Variants in SI observed in about 807,000 individuals in gnomAD.
SI encodes the protein sucrase-isomaltase, intestinal.
SI carries 235 observed loss-of-function variants against 253.3 expected under a neutral mutation model. The observed-to-expected ratio is 0.93, with a 90% confidence interval of 0.83 to 1.03. SI has a LOEUF of 1.03. Among genes scored for constraint, SI ranks in the 50% least tolerant of loss-of-function variants. The pLI is 0.00. For synonymous variants in SI, 819 were observed against 712.0 expected (o/e 1.15, Z -2.39); for missense variants, 2,442 against 2,211.1 (o/e 1.10, Z -2.09).
At chr3:165,043,546 T>C (rs1369939898) in intron 16 of SI, among the ~76,000 whole-genome samples, 1 of 152,040 alleles carries the variant, frequency 6.6e-6, no homozygotes, top group Non-Finnish European at 1.5e-5. Flanking sequence ...TTATTTATAA[T>C]ATAATATGTA....
chr3:165,046,764 C>T (rs1713135706), intron 16 of SI, 77 bp downstream of exon 16: 8 of 1,223,342 alleles, frequency 6.5e-6, no homozygotes, highest in Non-Finnish European at 8.3e-6. Flanking sequence ...GATCATTTTA[C>T]TAAAATTAAT....
At chr3:165,022,869 A>AT (rs1440076672) in intron 26 of SI, among the ~76,000 whole-genome samples, 1 of 151,682 alleles carries the variant, frequency 6.6e-6, no homozygotes, top group East Asian at 1.9e-4. Context: ...ATTAACATTT[A>AT]AAATATCGTT....
In SI at chr3:164,979,211, T is replaced by C. The variant is rs1260115524; in HGVS notation, c.*151A>G. 3.1e-6 allele frequency: 2 copies of C among 638,962 alleles called. No homozygotes were observed. Among genetic ancestry groups the C allele is most frequent in the Non-Finnish European group, 5.7e-6 (2 of 351,814 alleles). 39.6% of individuals were successfully genotyped at this position (638,962 alleles called of 1,614,324 possible). On this transcript the variant is annotated 3_prime_UTR_variant, in exon 48 of 48. Coordinates refer to ENST00000264382, the MANE Select transcript of SI (RefSeq NM_001041.4). The stretch of plus-strand genomic sequence containing the variant: ...CATTACTATAATAAAATTAGCATTA[T>C]CATTGATGTACGCTACAAAATAACT...
chr3:165,053,230 A>G (rs1316021223), intron 13 of SI, among the ~76,000 whole-genome samples: 1 of 152,050 alleles, frequency 6.6e-6, no homozygotes, highest in African/African-American at 2.4e-5. Context: ...CTATACTTCA[A>G]TGACAATTAA....
chr3:165,015,883 C>T (rs1479964025), intron 32 of SI, 69 bp downstream of exon 32: 11 of 1,346,320 alleles, frequency 8.2e-6, no homozygotes, highest in African/African-American at 1.4e-5. Context: ...CATCTTCCCC[C>T]CCACCTGCTC....
chr3:165,058,933 A>G lies in SI; in HGVS notation c.1398+30T>C. ...TTATTTCAGAGAAGAAAATTTGAGC[A>G]ACATAGTTTTAATAAATATCATATT... On this transcript the variant is annotated intron_variant, in intron 12 of 47. Coordinates refer to ENST00000264382, the MANE Select transcript of SI (RefSeq NM_001041.4). 3 of 1,596,696 alleles carry G rather than the reference A, an allele frequency of 1.9e-6. No homozygotes were observed. In the Middle Eastern group the frequency reaches 5.0e-4, roughly 266 times the overall value.
intron 44 of SI, among the ~76,000 whole-genome samples, chr3:164,989,915 C>T (rs80006440): frequency 0.052 from 7,858 of 152,040 alleles, 683 homozygotes; most frequent in African/African-American, 0.18. Context: ...GTGGTTGCCA[C>T]GGGTTGAAAG....
At chr3:165,069,312 T>C in intron 3 of SI, 117 bp from the exon 4 acceptor site, 1 of 726,998 alleles carries the variant, frequency 1.4e-6, no homozygotes, top group South Asian at 1.6e-5. Context: ...ATGTATAATA[T>C]GCCAAAATAG....
At chr3:164,989,445 G>GA (rs1576869276) in intron 44 of SI, among the ~76,000 whole-genome samples, 3 of 148,364 alleles carry the variant, frequency 2.0e-5, no homozygotes, top group Non-Finnish European at 4.5e-5. Context: ...AGGAAAGAAA[G>GA]AAGAGAGGAG....
At chr3:165,062,774 C>T (rs1156234948) in intron 8 of SI, among the ~76,000 whole-genome samples, 1 of 151,888 alleles carries the variant, frequency 6.6e-6, no homozygotes, top group African/African-American at 2.4e-5. Flanking sequence ...AGTTCTCTGG[C>T]GACCAAAAGA....
At chr3:165,001,442 A>T in intron 37 of SI, among the ~76,000 whole-genome samples, 1 of 151,640 alleles carries the variant, frequency 6.6e-6, no homozygotes, top group East Asian at 1.9e-4. Flanking sequence ...AAAATGTAAT[A>T]TCTGTTTTAA....
Position 165,043,150 on chromosome 3 carries a change from A to T in SI, c.1913T>A (p.Val638Glu), listed in dbSNP as rs759952589. The change falls in exon 17 of 48, where the codon GTG becomes GAG. Residue 638 changes from valine to glutamate, a missense_variant. Physicochemically the swap from Val to Glu is moderately radical, Grantham distance 121 (BLOSUM62 -2). Coordinates refer to ENST00000264382, the MANE Select transcript of SI (RefSeq NM_001041.4). ...GCAAAGTTCTTCTGTGGTTTCAGCC[A>T]CAAATCCACAGATGTCTGCTCCAAC... ...PLVGADICGF[V>E]AETTEELCRR... 1.2e-6 allele frequency: 2 copies of T among 1,611,274 alleles called. No individual in the cohort carries two copies. The highest frequency in any genetic ancestry group is 3.3e-5 in the Admixed American group (2 of 59,850).
chr3:165,042,011 T>G (rs1279436955), intron 17 of SI, among the ~76,000 whole-genome samples: 2 of 152,050 alleles, frequency 1.3e-5, no homozygotes, highest in Admixed American at 1.3e-4. Flanking sequence ...CAAACCACCT[T>G]CCTTCCCTTC....
intron 37 of SI, among the ~76,000 whole-genome samples, chr3:165,006,604 T>G (rs1161124207): frequency 6.6e-6 from 1 of 152,044 alleles, no homozygotes; most frequent in Non-Finnish European, 1.5e-5. Context: ...TGGAATAGTA[T>G]AGAAATTAGA....
At position 165,015,384 on chromosome 3, in the gene SI, C is replaced by G. The variant is rs147371415; in HGVS notation, c.3889-151G>C. ...AATGATACAAACATCAGTGTTCTAGCTAGATTTCCCTCCAAATTTCTTAGA... is the reference window on the plus strand; with the variant it reads ...AATGATACAAACATCAGTGTTCTAGGTAGATTTCCCTCCAAATTTCTTAGA... On this transcript the variant is annotated intron_variant, in intron 32 of 47. Transcript: ENST00000264382. The G allele has an allele frequency of 3.3e-3, 2,176 of 653,656 alleles. 5 individuals carry two copies. Among genetic ancestry groups the G allele is most frequent in the Non-Finnish European group, 4.7e-3 (1,732 of 366,168 alleles). 40.5% of individuals were successfully genotyped at this position (653,656 alleles called of 1,614,324 possible).
At chr3:165,033,122 C>T (rs1387479457) in intron 23 of SI, among the ~76,000 whole-genome samples, 1 of 151,462 alleles carries the variant, frequency 6.6e-6, no homozygotes, top group East Asian at 1.9e-4. Flanking sequence ...TTTCCTAGGG[C>T]ATGTTGCCTA....
In SI at chr3:164,997,853, T is replaced by A. The variant is rs550734154; in HGVS notation, c.4540+687A>T. The stretch of plus-strand genomic sequence containing the variant: ...TTATGGCTGTATATATTCCATGGTG[T>A]ATATGTACCACATTTTCTTTATTCA... On this transcript the variant is annotated intron_variant, in intron 38 of 47. Transcript: ENST00000264382. Among the ~76,000 whole-genome samples the A allele has an allele frequency of 2.6e-5, 4 of 152,036 alleles. No individual in the cohort carries two copies. In the South Asian group the frequency reaches 8.3e-4, roughly 32 times the overall value.
chr3:165,012,030 T>G (rs1197928355), intron 34 of SI, among the ~76,000 whole-genome samples: 1 of 152,238 alleles, frequency 6.6e-6, no homozygotes, highest in African/African-American at 2.4e-5. Flanking sequence ...GATAGAACTA[T>G]AGCCACTCCT....
At chr3:165,079,090 T>TA (rs1003286494), upstream of SI, among the ~76,000 whole-genome samples, 1 of 151,614 alleles carries the variant, frequency 6.6e-6, no homozygotes, top group Non-Finnish European at 1.5e-5. Flanking sequence ...CATTGAATTA[T>TA]AAAAAATCAT....
Sources: allele counts gnomAD v4.1 joint callset (sites outside exome capture counted in the v4.1 genomes callset), GRCh38; gene constraint gnomAD v4.1.1; transcripts MANE v1.5; gene names NCBI Gene and HGNC (gene_info 2026-07-23, HGNC 2026-07-21).